GAL3ST2: variants seen among roughly 807,000 people sequenced by gnomAD.
GAL3ST2 encodes beta-galactose-3-O-sulfotransferase 2.
In GAL3ST2, 16 loss-of-function variants were observed where a neutral mutation model predicts 12.9. That is an observed-to-expected ratio of 1.24 (90% CI 0.84 to 1.88). The LOEUF is 1.88. GAL3ST2 is among the 40% of genes most tolerant of loss of function. The probability of loss-of-function intolerance (pLI) is 0.00; values close to 1 mark genes in which losing one functional copy is unlikely to be tolerated. For synonymous variants in GAL3ST2, 302 were observed against 273.9 expected, an observed-to-expected ratio of 1.10 and a Z score of -1.01; for missense variants, 639 against 571.8, an observed-to-expected ratio of 1.12 and a Z score of -1.20.
chr2:241,803,791 C>G lies in GAL3ST2; in HGVS notation c.822C>G (p.Ser274Arg), dbSNP rs1699892214. ...CCGAGACCCGGGAGCGCGCGCGGAGCTGGTGCGCGCTGGACTGGCGCCTGT... is the reference window on the plus strand; with the variant it reads ...CCGAGACCCGGGAGCGCGCGCGGAGGTGGTGCGCGCTGGACTGGCGCCTGT... ...LSPETRERAR[S>R]WCALDWRLYE... is the part of the protein sequence containing the mutation. The change falls in exon 4 of 4, where the codon AGC (serine) becomes AGG (arginine). Residue 274 changes from serine (S) to arginine (R), a missense_variant. Coordinates refer to ENST00000192314, the MANE Select transcript of GAL3ST2 (RefSeq NM_022134.3). 1.3e-6 allele frequency: 2 copies of G among 1,504,132 alleles called. No homozygotes were observed. Among genetic ancestry groups the G allele is most frequent in the Non-Finnish European group, 1.8e-6 (2 of 1,133,818 alleles). The allele number at this position is 1,504,132 out of a possible 1,614,324, so 93.2% of individuals were successfully genotyped here.
At position 241,778,891 on chromosome 2, in the gene GAL3ST2, C is replaced by A. The variant is rs536178470; in HGVS notation, c.29+1907C>A. On this transcript the variant is annotated intron_variant, in intron 1 of 3. Coordinates refer to ENST00000192314, the MANE Select transcript of GAL3ST2 (RefSeq NM_022134.3). ...CAGGTAAGAGACAAATGGTTGCATT[C>A]TTTTGAGTTTCTGATGAGCCTCTCC... 7.9e-5 allele frequency among the ~76,000 whole-genome samples: 12 copies of A among 152,206 alleles called. No homozygotes were observed. The East Asian group carries it at 2.1e-3, about 27-fold the overall frequency.
chr2:241,785,143 A>G (rs529078229), intron 1 of GAL3ST2, among the ~76,000 whole-genome samples: 2 of 152,274 alleles, frequency 1.3e-5, no homozygotes, highest in East Asian at 3.9e-4. Flanking sequence ...TTTTTAAACA[A>G]AGACGTTTCT....
chr2:241,779,715 G>T (rs1168068717), intron 1 of GAL3ST2, among the ~76,000 whole-genome samples: 1 of 151,364 alleles, frequency 6.6e-6, no homozygotes, highest in East Asian at 2.0e-4. Flanking sequence ...GCCGGGCGCG[G>T]TGGCTCACAC....
intron 1 of GAL3ST2, among the ~76,000 whole-genome samples, chr2:241,784,286 G>GC (rs1386910778): frequency 1.3e-5 from 2 of 152,244 alleles, no homozygotes; most frequent in East Asian, 3.9e-4. Context: ...ACCTGCCTCG[G>GC]CCTCCCAAAG....
At chr2:241,778,105 T>A (rs943387925) in intron 1 of GAL3ST2, among the ~76,000 whole-genome samples, 1 of 152,228 alleles carries the variant, frequency 6.6e-6, no homozygotes, top group Non-Finnish European at 1.5e-5. Flanking sequence ...CCAGGCTTCA[T>A]TGAGCACGGC....
intron 3 of GAL3ST2, 23 bp from the exon 4 acceptor site, chr2:241,803,322 C>A: frequency 6.4e-7 from 1 of 1,559,140 alleles, no homozygotes; most frequent in South Asian, 1.2e-5. Flanking sequence ...CGGTCCGCAG[C>A]CCGCCTCTCT....
At position 241,795,277 on chromosome 2, in the gene GAL3ST2, A is replaced by G. The variant is rs573976625; in HGVS notation, c.30-3788A>G. Reference sequence around the variant, plus strand: ...AGCAGGTCTTTTGGCAAAAGGGAAGAGCCCGCCTTGAGAAGGCTGTAGCAT... The same window carrying G: ...AGCAGGTCTTTTGGCAAAAGGGAAGGGCCCGCCTTGAGAAGGCTGTAGCAT... On this transcript the variant is annotated intron_variant, in intron 1 of 3. Coordinates refer to ENST00000192314, the MANE Select transcript of GAL3ST2 (RefSeq NM_022134.3). This position sits in a 1 kb window ranked among gnomAD's most constrained non-coding sequence, Gnocchi z 4.5. Among the ~76,000 whole-genome samples, 2 of 152,324 alleles carry G rather than the reference A, an allele frequency of 1.3e-5. No homozygotes were observed. The highest frequency in any genetic ancestry group is 1.9e-4 in the East Asian group (1 of 5,184).
Position 241,784,282 on chromosome 2 carries a change from C to T in GAL3ST2, c.29+7298C>T, listed in dbSNP as rs1358469765. Among the ~76,000 whole-genome samples the T allele has an allele frequency of 4.6e-5, 7 of 152,198 alleles. 1 individual carries two copies. The highest frequency in any genetic ancestry group is 3.9e-4 in the Admixed American group (6 of 15,276). ...TCTCCTAACCTCGTGATCCACCTGC[C>T]TCGGCCTCCCAAAGTGCTGGGATTA... is the stretch of plus-strand genomic sequence containing the variant. On this transcript the variant is annotated intron_variant, in intron 1 of 3. Coordinates refer to ENST00000192314, the MANE Select transcript of GAL3ST2 (RefSeq NM_022134.3).
At chr2:241,791,728 A>G (rs982300667) in intron 1 of GAL3ST2, among the ~76,000 whole-genome samples, 2 of 152,212 alleles carry the variant, frequency 1.3e-5, no homozygotes, top group African/African-American at 4.8e-5. Flanking sequence ...TTCTTGCTGC[A>G]CTGTATACAA....
At chr2:241,787,089 G>A (rs979397175) in intron 1 of GAL3ST2, among the ~76,000 whole-genome samples, 6 of 152,114 alleles carry the variant, frequency 3.9e-5, no homozygotes, top group Admixed American at 3.3e-4. Context: ...TGACCTGGAA[G>A]CCCTTCCCTG....
chr2:241,795,774 G>A lies in GAL3ST2; in HGVS notation c.30-3291G>A, dbSNP rs777901138. 2.6e-5 allele frequency among the ~76,000 whole-genome samples: 4 copies of A among 152,248 alleles called. No homozygotes were observed. Among genetic ancestry groups the A allele is most frequent in the Non-Finnish European group, 5.9e-5 (4 of 68,042 alleles). On this transcript the variant is annotated intron_variant, in intron 1 of 3. Transcript: ENST00000192314. The surrounding 1 kb of genome is among the most constrained non-coding windows in gnomAD (Gnocchi z 4.5). Reference sequence around the variant, plus strand: ...TCACGAAGACGTGGGTGTCTCCAGCGGGACCCTGATCCCGCGTGGGGCGCA... The same window carrying A: ...TCACGAAGACGTGGGTGTCTCCAGCAGGACCCTGATCCCGCGTGGGGCGCA...
At chr2:241,783,682 T>C (rs1007862314) in intron 1 of GAL3ST2, among the ~76,000 whole-genome samples, 1 of 151,966 alleles carries the variant, frequency 6.6e-6, no homozygotes, top group Non-Finnish European at 1.5e-5. Flanking sequence ...ATTATTTTAT[T>C]TTAATCATTT....
chr2:241,782,788 C>T (rs1024297031), intron 1 of GAL3ST2, among the ~76,000 whole-genome samples: 4 of 152,158 alleles, frequency 2.6e-5, no homozygotes, highest in Middle Eastern at 3.2e-3. Context: ...AATTCAGTGT[C>T]ACAAGTACTT....
chr2:241,780,777 G>A (rs1699556896), intron 1 of GAL3ST2, among the ~76,000 whole-genome samples: 1 of 152,208 alleles, frequency 6.6e-6, no homozygotes. Context: ...AAATATCTGT[G>A]AGTTGGGTGA....
At chr2:241,777,110 A>G in intron 1 of GAL3ST2, 126 bp downstream of exon 1, 2 of 865,198 alleles carry the variant, frequency 2.3e-6, no homozygotes, top group Non-Finnish European at 3.2e-6. Flanking sequence ...GGCTGTTCCT[A>G]CTCAGGCTTC....
intron 3 of GAL3ST2, 121 bp from the exon 4 acceptor site, chr2:241,803,218 TTCCTCG>T: frequency 1.3e-6 from 1 of 743,954 alleles, no homozygotes; most frequent in African/African-American, 1.8e-5. Context: ...CAGGCCCAGG[TTCCTCG>T]GCAGATGTGA....
chr2:241,786,987 T>G (rs562325276), intron 1 of GAL3ST2, among the ~76,000 whole-genome samples: 2 of 152,278 alleles, frequency 1.3e-5, no homozygotes, highest in East Asian at 3.9e-4. Flanking sequence ...CAAATGCATA[T>G]CTGATTGCAT....
In GAL3ST2 at chr2:241,793,673, C is replaced by T. The variant is rs1398669700; in HGVS notation, c.30-5392C>T. Among the ~76,000 whole-genome samples, 1 of 148,752 alleles carries T rather than the reference C, an allele frequency of 6.7e-6. No homozygotes were observed. The highest frequency in any genetic ancestry group is 1.5e-5 in the Non-Finnish European group (1 of 67,386). On this transcript the variant is annotated intron_variant, in intron 1 of 3. Transcript: ENST00000192314. The surrounding 1 kb of genome is among the most constrained non-coding windows in gnomAD (Gnocchi z 4.7). ...GTGTATGCATATGTGTGTGTATGCA[C>T]ATATTGTGTATGTGTGTGTATATGT...
chr2:241,776,896 G>A lies in GAL3ST2; in HGVS notation c.-60G>A, dbSNP rs569801462. On this transcript the variant is annotated 5_prime_UTR_variant, in exon 1 of 4. Transcript: ENST00000192314. ...GCCCAGAGCCGGCAGGGGCCGAGGCGGTGGGACCTCGGGGGAGCTCAAGCC... is the reference window on the plus strand; with the variant it reads ...GCCCAGAGCCGGCAGGGGCCGAGGCAGTGGGACCTCGGGGGAGCTCAAGCC... 244 of 1,390,014 alleles carry A rather than the reference G, an allele frequency of 1.8e-4. No individual in the cohort carries two copies. The African/African-American group carries it at 2.6e-3, about 15-fold the overall frequency. 86.1% of individuals were successfully genotyped at this position (1,390,014 alleles called of 1,614,324 possible).
Sources: allele counts gnomAD v4.1 joint callset (sites outside exome capture counted in the v4.1 genomes callset), GRCh38; gene constraint gnomAD v4.1.1; non-coding constraint Gnocchi (gnomAD v3.1); transcripts MANE v1.5; gene names NCBI Gene and HGNC (gene_info 2026-07-23, HGNC 2026-07-21).